CTNND2: variants seen among roughly 807,000 people sequenced by gnomAD.
CTNND2 encodes catenin delta-2.
A neutral mutation model predicts 144.4 loss-of-function variants in CTNND2; 22 were observed. The ratio of observed to expected loss-of-function variants is 0.15; its 90% CI spans 0.11 to 0.22. CTNND2 has a LOEUF of 0.22. Ranked by LOEUF, CTNND2 falls within the 10% of genes least tolerant of loss-of-function variation. CTNND2 has a pLI of 1.00. For missense variants in CTNND2, 1,353 were observed against 1,618.8 expected (o/e 0.84, Z 2.82); for synonymous variants, 751 against 695.6 (o/e 1.08, Z -1.25).
At chr5:11,818,688 G>C (rs944749509) in intron 1 of CTNND2, among the ~76,000 whole-genome samples, 1 of 152,052 alleles carries the variant, frequency 6.6e-6, no homozygotes, top group East Asian at 1.9e-4. Context: ...ATTCTTAACC[G>C]ATATGCCCTA....
chr5:11,504,781 G>T (rs907067002), intron 3 of CTNND2, among the ~76,000 whole-genome samples: 1 of 152,178 alleles, frequency 6.6e-6, no homozygotes, highest in Non-Finnish European at 1.5e-5. Context: ...CCTGGGACTA[G>T]GGCAACACCT....
chr5:11,554,263 A>G (rs1350580289), intron 3 of CTNND2, among the ~76,000 whole-genome samples: 1 of 152,232 alleles, frequency 6.6e-6, no homozygotes, highest in East Asian at 1.9e-4. Flanking sequence ...TCTCAAAACA[A>G]CTATAATCAC....
At chr5:11,121,518 T>C (rs1405693722) in intron 12 of CTNND2, among the ~76,000 whole-genome samples, 2 of 152,240 alleles carry the variant, frequency 1.3e-5, no homozygotes, top group Non-Finnish European at 2.9e-5. Flanking sequence ...TGCTATGTCA[T>C]TGGGAAGTTC....
chr5:11,688,914 G>C (rs1189063954), intron 2 of CTNND2, among the ~76,000 whole-genome samples: 1 of 152,214 alleles, frequency 6.6e-6, no homozygotes. Flanking sequence ...TGCATTCACT[G>C]ATCACAGACG....
At chr5:11,377,217 AT>A (rs113704760) in intron 7 of CTNND2, among the ~76,000 whole-genome samples, 5,590 of 148,814 alleles carry the variant, frequency 0.038, 276 homozygotes, top group East Asian at 0.15. Context: ...CACCTGGCTA[AT>A]TTTTTTTTTG....
At chr5:11,642,584 G>A (rs1782124453) in intron 2 of CTNND2, among the ~76,000 whole-genome samples, 1 of 152,186 alleles carries the variant, frequency 6.6e-6, no homozygotes, top group African/African-American at 2.4e-5. Flanking sequence ...AAAGTGAGTT[G>A]AGGGTGGGGC....
chr5:11,686,545 C>G (rs1784652104), intron 2 of CTNND2, among the ~76,000 whole-genome samples: 1 of 151,950 alleles, frequency 6.6e-6, no homozygotes, highest in African/African-American at 2.4e-5. Flanking sequence ...AGACCTCTCC[C>G]AGAAGTATGT....
At chr5:11,717,182 T>G (rs1305485020) in intron 2 of CTNND2, among the ~76,000 whole-genome samples, 1 of 152,002 alleles carries the variant, frequency 6.6e-6, no homozygotes, top group Non-Finnish European at 1.5e-5. Flanking sequence ...GTACTAGTCT[T>G]GATACTAGAA....
intron 3 of CTNND2, among the ~76,000 whole-genome samples, chr5:11,495,775 C>G (rs369308525): frequency 7.9e-5 from 12 of 152,322 alleles, no homozygotes; most frequent in African/African-American, 2.4e-4. Flanking sequence ...ACTTTTGCAA[C>G]AGAAAATCAC....
chr5:11,259,919 T>C (rs1744687131), intron 9 of CTNND2, among the ~76,000 whole-genome samples: 1 of 152,236 alleles, frequency 6.6e-6, no homozygotes, highest in African/African-American at 2.4e-5. Context: ...TTTTCACTAA[T>C]ATTTTTTAAA....
At chr5:11,645,462 A>G (rs1174984142) in intron 2 of CTNND2, among the ~76,000 whole-genome samples, 1 of 152,244 alleles carries the variant, frequency 6.6e-6, no homozygotes, top group Non-Finnish European at 1.5e-5. Flanking sequence ...AAAGGTTAAA[A>G]TAAACCACTT....
intron 3 of CTNND2, among the ~76,000 whole-genome samples, chr5:11,521,714 T>C (rs1260699765): frequency 6.6e-6 from 1 of 152,222 alleles, no homozygotes; most frequent in Non-Finnish European, 1.5e-5. Context: ...GTAGCTTTAC[T>C]GAGGCAAAGA....
intron 3 of CTNND2, among the ~76,000 whole-genome samples, chr5:11,486,590 G>A (rs1281410005): frequency 6.6e-6 from 1 of 152,068 alleles, no homozygotes; most frequent in Non-Finnish European, 1.5e-5. Context: ...GGGAGAGACA[G>A]GGGAAGGAGG....
chr5:11,852,281 T>C (rs1214018377), intron 1 of CTNND2, among the ~76,000 whole-genome samples: 1 of 148,662 alleles, frequency 6.7e-6, no homozygotes, highest in Non-Finnish European at 1.5e-5. Flanking sequence ...CTGAAAGAGA[T>C]TTTTTTAAGT....
At chr5:11,882,207 G>A (rs1301924556) in intron 1 of CTNND2, among the ~76,000 whole-genome samples, 2 of 151,860 alleles carry the variant, frequency 1.3e-5, no homozygotes, top group Non-Finnish European at 2.9e-5. Context: ...CTATACAGAA[G>A]TTTCTTAGTT....
At position 11,025,603 on chromosome 5, in the gene CTNND2, T is replaced by C. The variant is rs557753782; in HGVS notation, c.2789-2624A>G. On this transcript the variant is annotated intron_variant, in intron 16 of 21. Coordinates refer to ENST00000304623, the MANE Select transcript of CTNND2 (RefSeq NM_001332.4). Reference sequence around the variant, plus strand: ...AGGGGGCAACAAGAACAACTTGATATTTTACAAAAAGAATTCTGGTGCATT... The same window carrying C: ...AGGGGGCAACAAGAACAACTTGATACTTTACAAAAAGAATTCTGGTGCATT... 9.2e-5 allele frequency among the ~76,000 whole-genome samples: 14 copies of C among 152,332 alleles called. No homozygotes were observed. The South Asian group carries it at 2.9e-3, about 32-fold the overall frequency.
chr5:11,432,821 G>C (rs900676122), intron 3 of CTNND2, among the ~76,000 whole-genome samples: 18 of 152,164 alleles, frequency 1.2e-4, no homozygotes, highest in African/African-American at 4.1e-4. Context: ...TTTCTCTAAA[G>C]GGGCTGAAAT....
intron 13 of CTNND2, among the ~76,000 whole-genome samples, chr5:11,115,177 G>GA (rs1753419072): frequency 6.6e-6 from 1 of 152,176 alleles, no homozygotes; most frequent in African/African-American, 2.4e-5. Flanking sequence ...CTCTTTTGGG[G>GA]AAAATGTGGA....
At chr5:11,308,892 C>G (rs1252075234) in intron 9 of CTNND2, among the ~76,000 whole-genome samples, 1 of 152,032 alleles carries the variant, frequency 6.6e-6, no homozygotes, top group African/African-American at 2.4e-5. Context: ...GGGGAGGCCT[C>G]GGCAGAAGGC....
Sources: gnomAD v4.1 joint callset for allele counts (sites outside exome capture counted in the v4.1 genomes callset) on GRCh38, gnomAD v4.1.1 for gene constraint, MANE v1.5 for transcripts, NCBI Gene and HGNC (gene_info 2026-07-23, HGNC 2026-07-21) for gene names.